Variants in C9 observed in about 807,000 individuals in gnomAD.
C9 encodes complement C9.
A neutral mutation model predicts 65.4 loss-of-function variants in C9; 63 were observed. That is an observed-to-expected ratio of 0.96 (90% confidence interval 0.79 to 1.19). The LOEUF is 1.19. Ranked by LOEUF, C9 falls within the 50% of genes most tolerant of loss-of-function variation. The pLI is 0.00. For synonymous variants in C9, 229 were observed against 227.9 expected (o/e 1.00, Z -0.04); for missense variants, 744 against 670.1 (o/e 1.11, Z -1.22).
At chr5:39,285,277 T>C in intron 10 of C9, 44 bp from the exon 11 acceptor site, 1 of 1,537,400 alleles carries the variant, frequency 6.5e-7, no homozygotes, top group Non-Finnish European at 9.0e-7. Context: ...ATCAATAGGA[T>C]TTTACTTTGG....
intron 1 of C9, among the ~76,000 whole-genome samples, chr5:39,350,893 G>C (rs1561354812): frequency 6.6e-6 from 1 of 152,216 alleles, no homozygotes; most frequent in Non-Finnish European, 1.5e-5. Flanking sequence ...CAGTGCCCCA[G>C]TAGGGACTCT....
chr5:39,287,091 G>A (rs1753002647), intron 10 of C9, among the ~76,000 whole-genome samples: 1 of 151,798 alleles, frequency 6.6e-6, no homozygotes, highest in South Asian at 2.1e-4. Flanking sequence ...TAATCTATTA[G>A]GAGTCTGAAT....
At chr5:39,303,941 A>T (rs2111870617) in intron 9 of C9, among the ~76,000 whole-genome samples, 1 of 152,278 alleles carries the variant, frequency 6.6e-6, no homozygotes, top group Non-Finnish European at 1.5e-5. Context: ...GCTGGGATAG[A>T]CTACCCTGAA....
At chr5:39,310,809 T>C (rs569939626) in intron 7 of C9, among the ~76,000 whole-genome samples, 1 of 152,346 alleles carries the variant, frequency 6.6e-6, no homozygotes, top group East Asian at 1.9e-4. Flanking sequence ...AAGTAGGTTA[T>C]ACAAATTATG....
Position 39,306,780 on chromosome 5 carries a change from C to T in C9, c.1253G>A (p.Ser418Asn), listed in dbSNP as rs1163744146. ...AACAACATCATCTATGAGGTTTTCA[C>T]TGGTGATGTTTACTGAGGAGAGAAG... ...RGEGRAVNIT[S>N]ENLIDDVVSL... The change falls in exon 9 of 11, where the codon AGT (serine) becomes AAT (asparagine). Residue 418 changes from serine to asparagine, a missense_variant. By Grantham distance (46) the Ser-to-Asn change is conservative (BLOSUM62 1). Coordinates refer to ENST00000263408, the MANE Select transcript of C9 (RefSeq NM_001737.5). 6.2e-7 allele frequency: 1 copy of T among 1,610,838 alleles called. No homozygotes were observed. The highest frequency in any genetic ancestry group is 1.3e-5 in the African/African-American group (1 of 74,798).
At chr5:39,294,097 C>A (rs1753144478) in intron 9 of C9, among the ~76,000 whole-genome samples, 1 of 151,580 alleles carries the variant, frequency 6.6e-6, no homozygotes, top group African/African-American at 2.4e-5. Flanking sequence ...ATGTCTACTT[C>A]AAAAATCTAG....
intron 9 of C9, among the ~76,000 whole-genome samples, chr5:39,302,036 C>T (rs773025555): frequency 1.3e-5 from 2 of 151,594 alleles, no homozygotes; most frequent in African/African-American, 2.4e-5. Flanking sequence ...GTCTAAGATA[C>T]AGGAATAGAG....
intron 4 of C9, among the ~76,000 whole-genome samples, chr5:39,333,991 G>GC (rs1336761000): frequency 2.2e-4 from 33 of 152,256 alleles, no homozygotes; most frequent in African/African-American, 7.5e-4. Flanking sequence ...GCCTGCCTTG[G>GC]CCCCCCAAAG....
intron 1 of C9, among the ~76,000 whole-genome samples, chr5:39,359,892 G>T (rs938666704): frequency 6.6e-6 from 1 of 152,188 alleles, no homozygotes; most frequent in Non-Finnish European, 1.5e-5. Flanking sequence ...TGGCTCATTC[G>T]ACAAAGTTGA....
Position 39,284,945 on chromosome 5 carries a change from G to T in C9, c.*254C>A, listed in dbSNP as rs374465861. 4.6e-6 allele frequency: 2 copies of T among 431,800 alleles called. No homozygotes were observed. The highest frequency in any genetic ancestry group is 3.9e-5 in the Admixed American group (1 of 25,846). The allele number at this position is 431,800 out of a possible 1,614,324, so 26.7% of individuals were successfully genotyped here. A position where few individuals can be genotyped will look rare whatever the true frequency, so the allele number is the denominator to read the frequency against. On this transcript the variant is annotated 3_prime_UTR_variant, in exon 11 of 11. Transcript: ENST00000263408. Reference sequence around the variant, plus strand: ...TTTTTAGAAGAGATTGGCATTTTCCGTGGGATAAAGCAGTTCTGGCGTATT... The same window carrying T: ...TTTTTAGAAGAGATTGGCATTTTCCTTGGGATAAAGCAGTTCTGGCGTATT...
rs538252937 is a variant in C9, at chr5:39,337,454, A to AT, written c.476+3691dup. Among the ~76,000 whole-genome samples, 57 of 152,308 alleles carry AT rather than the reference A, an allele frequency of 3.7e-4. 1 individual carries two copies. In the South Asian group the frequency reaches 0.01, roughly 28 times the overall value. On this transcript the variant is annotated intron_variant, in intron 4 of 10. Transcript: ENST00000263408. ...AGCCAGTCTAGTCCAGAATAAGCCAATTTTTTCTGCCAAGAAACATGAACA... is the reference window on the plus strand; with the variant it reads ...AGCCAGTCTAGTCCAGAATAAGCCAATTTTTTTCTGCCAAGAAACATGAACA...
intron 10 of C9, 129 bp downstream of exon 10, chr5:39,288,594 A>G: frequency 3.1e-6 from 2 of 649,450 alleles, no homozygotes; most frequent in Admixed American, 2.4e-5. Flanking sequence ...TATTCACTCA[A>G]TCTTTATCTT....
chr5:39,349,014 C>T (rs1236310308), intron 1 of C9, among the ~76,000 whole-genome samples: 2 of 43,498 alleles, frequency 4.6e-5, no homozygotes, highest in South Asian at 1.6e-3. Context: ...CACACTGGGG[C>T]ATGTTGTGGG....
Position 39,311,226 on chromosome 5 carries a change from G to A in C9, c.1022C>T (p.Thr341Ile). The change falls in exon 7 of 11, where the codon ACC (threonine) becomes ATC (isoleucine). Residue 341 changes from threonine (T) to isoleucine (I), a missense_variant. By Grantham distance (89) the Thr-to-Ile change is moderately conservative. Transcript: ENST00000263408. ...EKGEYFAFLETYGTHYSSSGS... is the reference protein window; with the variant it reads ...EKGEYFAFLEIYGTHYSSSGS... ...AGAGCTACTGTAGTGAGTTCCATAG[G>A]TTTCCAAAAAGGCAAAATATTCTCC... The A allele has an allele frequency of 6.2e-7, 1 of 1,613,536 alleles. No individual in the cohort carries two copies.
chr5:39,350,794 G>T (rs1298895742), intron 1 of C9, among the ~76,000 whole-genome samples: 2 of 152,182 alleles, frequency 1.3e-5, no homozygotes, highest in Non-Finnish European at 2.9e-5. Flanking sequence ...TTGAGTGCCT[G>T]CAGCTTTTCC....
chr5:39,299,343 G>A (rs980006882), intron 9 of C9, among the ~76,000 whole-genome samples: 4 of 151,950 alleles, frequency 2.6e-5, no homozygotes, highest in African/African-American at 9.7e-5. Flanking sequence ...AGAAAAATAT[G>A]TTCATGCAAA....
At chr5:39,297,832 T>C (rs1753212070) in intron 9 of C9, among the ~76,000 whole-genome samples, 1 of 151,812 alleles carries the variant, frequency 6.6e-6, no homozygotes, top group African/African-American at 2.4e-5. Context: ...GGCTGTGCTA[T>C]CAACTAATTG....
chr5:39,327,957 T>G (rs1390545655), intron 5 of C9, among the ~76,000 whole-genome samples: 1 of 152,188 alleles, frequency 6.6e-6, no homozygotes, highest in African/African-American at 2.4e-5. Flanking sequence ...TATGTTGAGA[T>G]AGCAAGTGTA....
intron 9 of C9, among the ~76,000 whole-genome samples, chr5:39,305,518 C>A (rs935213560): frequency 6.6e-6 from 1 of 151,674 alleles, no homozygotes; most frequent in Admixed American, 6.6e-5. Flanking sequence ...ATAAATGTGA[C>A]CTGAGGAAAG....
Sources: allele counts gnomAD v4.1 joint callset (sites outside exome capture counted in the v4.1 genomes callset), GRCh38; gene constraint gnomAD v4.1.1; transcripts MANE v1.5; gene names NCBI Gene and HGNC (gene_info 2026-07-23, HGNC 2026-07-21).